The following LUZP2 variants were observed in gnomAD, a reference collection of about 807,000 sequenced individuals.
LUZP2 encodes leucine zipper protein 2.
In LUZP2, 52 loss-of-function variants were observed where a neutral mutation model predicts 51.6. The ratio of observed to expected loss-of-function variants is 1.01; its 90% CI spans 0.81 to 1.27. LUZP2 has a LOEUF of 1.27. LUZP2 is among the 50% of genes most tolerant of loss of function. LUZP2 has a pLI of 0.00. For missense variants in LUZP2, 436 were observed against 395.4 expected (o/e 1.10, Z -0.87); for synonymous variants, 154 against 137.3 (o/e 1.12, Z -0.85).
intron 7 of LUZP2, among the ~76,000 whole-genome samples, chr11:24,947,212 G>A (rs1203223846): frequency 6.6e-6 from 1 of 151,958 alleles, no homozygotes; most frequent in Non-Finnish European, 1.5e-5. Flanking sequence ...ATATTATTAA[G>A]AAAGTCATAG....
At chr11:25,038,777 C>T (rs912768938) in intron 9 of LUZP2, among the ~76,000 whole-genome samples, 3 of 152,166 alleles carry the variant, frequency 2.0e-5, no homozygotes, top group African/African-American at 7.2e-5. Flanking sequence ...GAAGGGCTAG[C>T]ATTTCTTTAA....
intron 10 of LUZP2, among the ~76,000 whole-genome samples, chr11:25,054,419 T>A (rs1858616018): frequency 6.6e-6 from 1 of 152,192 alleles, no homozygotes; most frequent in Non-Finnish European, 1.5e-5. Flanking sequence ...ATTTTTTTTC[T>A]TATGGTTTCT....
At chr11:25,032,275 T>C (rs1446202) in intron 9 of LUZP2, among the ~76,000 whole-genome samples, 88,043 of 152,008 alleles carry the variant, frequency 0.58, 26,609 homozygotes, top group African/African-American at 0.75. Context: ...TTTAAACCAC[T>C]TGTGTGTTTT....
chr11:24,913,644 C>G (rs1853705155), intron 6 of LUZP2, among the ~76,000 whole-genome samples: 1 of 149,540 alleles, frequency 6.7e-6, no homozygotes, highest in African/African-American at 2.5e-5. Context: ...ATTTTTCCTT[C>G]ATGTGATCAT....
rs565267030 is a variant in LUZP2 at position 24,993,687 on chromosome 11, A to G, written c.765+10394A>G. On this transcript the variant is annotated intron_variant, in intron 9 of 11. Coordinates refer to ENST00000336930, the MANE Select transcript of LUZP2 (RefSeq NM_001009909.4). ...GATAGCCACACCAGTTTTTACATCA[A>G]TAATACTACATCCTTTTCAAATTAT... 1.3e-5 allele frequency among the ~76,000 whole-genome samples: 2 copies of G among 152,300 alleles called. 1 individual carries two copies. Among genetic ancestry groups the G allele is most frequent in the African/African-American group, 4.8e-5 (2 of 41,566 alleles).
At chr11:24,924,754 A>G (rs1052080585) in intron 7 of LUZP2, among the ~76,000 whole-genome samples, 3 of 152,178 alleles carry the variant, frequency 2.0e-5, no homozygotes, top group African/African-American at 7.2e-5. Flanking sequence ...AGAAAGGTGG[A>G]ACAACTTGAA....
intron 5 of LUZP2, among the ~76,000 whole-genome samples, chr11:24,815,482 T>C (rs1318791723): frequency 6.6e-6 from 1 of 152,200 alleles, no homozygotes; most frequent in Non-Finnish European, 1.5e-5. Context: ...TGAGGAATTT[T>C]AGGAAGTTAC....
At chr11:24,986,110 G>A (rs1343694608) in intron 9 of LUZP2, among the ~76,000 whole-genome samples, 2 of 151,658 alleles carry the variant, frequency 1.3e-5, no homozygotes, top group African/African-American at 4.8e-5. Context: ...GCAAAAAATA[G>A]AGCATGCATG....
Position 24,738,298 on chromosome 11 carries a change from CT to C in LUZP2, c.330del (p.Thr111LeufsTer5). 1 of 1,610,706 alleles carries C rather than the reference CT, an allele frequency of 6.2e-7. No individual in the cohort carries two copies. The highest frequency in any genetic ancestry group is 1.3e-5 in the African/African-American group (1 of 74,918). On this transcript the variant is annotated frameshift_variant, in exon 4 of 12. Transcript: ENST00000336930. LOFTEE classifies it high-confidence loss of function. Reference protein sequence around the residue: ...ETSEKAEKHQATINFLKTEVE... With the variant: ...ETSEKAEKHQXTINFLKTEVE... ...TCAGAGAAAGCAGAAAAACACCAGGCTACTGTAAGTGTGTTTCTTCTTTGTG... is the reference window on the plus strand; with the variant it reads ...TCAGAGAAAGCAGAAAAACACCAGGCACTGTAAGTGTGTTTCTTCTTTGTG...
chr11:25,030,033 G>T (rs981792563), intron 9 of LUZP2, among the ~76,000 whole-genome samples: 1 of 152,076 alleles, frequency 6.6e-6, no homozygotes, highest in Admixed American at 6.6e-5. Flanking sequence ...GCATTATTAA[G>T]ATTACTGACA....
intron 9 of LUZP2, among the ~76,000 whole-genome samples, chr11:25,002,878 C>A (rs1226991082): frequency 6.6e-6 from 1 of 152,106 alleles, no homozygotes; most frequent in Non-Finnish European, 1.5e-5. Flanking sequence ...CCCTCTGGGT[C>A]TCCTTGATTA....
intron 10 of LUZP2, among the ~76,000 whole-genome samples, chr11:25,063,639 A>G (rs1452731235): frequency 6.6e-6 from 1 of 151,924 alleles, no homozygotes; most frequent in Admixed American, 6.6e-5. Flanking sequence ...ATGGCATTGC[A>G]TTAATGCAAA....
chr11:24,985,240 C>T (rs10767294), intron 9 of LUZP2, among the ~76,000 whole-genome samples: 90,972 of 151,472 alleles, frequency 0.6, 29,668 homozygotes, highest in African/African-American at 0.86. Flanking sequence ...TAATTTTCTG[C>T]AAGAGACAAC....
intron 1 of LUZP2, among the ~76,000 whole-genome samples, chr11:24,684,877 ATAGTTATT>A (rs1365644178): frequency 1.7e-4 from 26 of 152,238 alleles, no homozygotes. Flanking sequence ...ACATAAAGCA[ATAGTTATT>A]CTTAAAAGTT....
At chr11:24,747,117 G>A (rs1859410860) in intron 4 of LUZP2, among the ~76,000 whole-genome samples, 1 of 152,098 alleles carries the variant, frequency 6.6e-6, no homozygotes, top group East Asian at 1.9e-4. Context: ...GGGTGTTAAA[G>A]AGCCTTGCTT....
In LUZP2 at chr11:24,834,164, G is replaced by C. The variant is rs568641330; in HGVS notation, c.396+70856G>C. On this transcript the variant is annotated intron_variant, in intron 5 of 11. Coordinates refer to ENST00000336930, the MANE Select transcript of LUZP2 (RefSeq NM_001009909.4). ...ACATAGGTATACATGTGCTATGGTG[G>C]TTTGCTGCACCTATCAACCTGTCAT... Among the ~76,000 whole-genome samples, 36 of 152,050 alleles carry C rather than the reference G, an allele frequency of 2.4e-4. 1 individual carries two copies. In the Middle Eastern group the frequency reaches 0.01, roughly 43 times the overall value.
chr11:24,635,577 A>G (rs1855069953), intron 1 of LUZP2, among the ~76,000 whole-genome samples: 1 of 152,208 alleles, frequency 6.6e-6, no homozygotes, highest in Non-Finnish European at 1.5e-5. Flanking sequence ...TAATCAATTT[A>G]AATTAAATTA....
intron 9 of LUZP2, among the ~76,000 whole-genome samples, chr11:25,012,553 A>C (rs1360193827): frequency 1.3e-5 from 2 of 152,160 alleles, no homozygotes; most frequent in African/African-American, 4.8e-5. Context: ...TGACACCACT[A>C]CTGAGGCAGT....
intron 1 of LUZP2, among the ~76,000 whole-genome samples, chr11:24,672,139 C>A (rs1379233335): frequency 6.6e-6 from 1 of 152,000 alleles, no homozygotes; most frequent in African/African-American, 2.4e-5. Flanking sequence ...TTACACAGTG[C>A]TAGGAAATAC....
Sources: allele counts gnomAD v4.1 joint callset (sites outside exome capture counted in the v4.1 genomes callset), GRCh38; gene constraint gnomAD v4.1.1; transcripts MANE v1.5; gene names NCBI Gene and HGNC (gene_info 2026-07-23, HGNC 2026-07-21).